The following XPO1 variants were observed in gnomAD, a reference collection of about 807,000 sequenced individuals.
XPO1 encodes the protein exportin 1, also known as exportin-1.
Under a neutral mutation model 133.3 loss-of-function variants are expected in XPO1, and 5 were observed. The observed-to-expected ratio is 0.04, with a 90% confidence interval of 0.02 to 0.08. The LOEUF is 0.08. XPO1 is among the 10% of genes least tolerant of loss of function. The pLI is 1.00. For synonymous variants in XPO1, 419 were observed against 408.2 expected (o/e 1.03, Z -0.32); for missense variants, 506 against 1,267.5 (o/e 0.40, Z 9.12).
At chr2:61,513,361 ATCTTTTT>A (rs1478730875) in intron 4 of XPO1, among the ~76,000 whole-genome samples, 1 of 107,970 alleles carries the variant, frequency 9.3e-6, no homozygotes, top group Non-Finnish European at 1.8e-5. Flanking sequence ...CGTACAGAAT[ATCTTTTT>A]TTTTTTTTTT....
intron 3 of XPO1, 85 bp from the exon 4 acceptor site, chr2:61,522,768 A>G (rs1698754542): frequency 1.1e-6 from 1 of 944,812 alleles, no homozygotes; most frequent in Non-Finnish European, 1.7e-6. Context: ...AGACATTCAC[A>G]CATTTACATC....
intron 21 of XPO1, 50 bp from the exon 22 acceptor site, chr2:61,483,141 C>T (rs1696484115): frequency 6.4e-7 from 1 of 1,572,606 alleles, no homozygotes; most frequent in African/African-American, 1.4e-5. Flanking sequence ...TGACAGCACT[C>T]ATGATAGTAT....
chr2:61,514,590 C>G (rs1698266194), intron 4 of XPO1, among the ~76,000 whole-genome samples: 1 of 116,898 alleles, frequency 8.6e-6, no homozygotes, highest in Admixed American at 8.6e-5. Flanking sequence ...AAGACTCTGT[C>G]TTTAAAAAAA....
intron 2 of XPO1, among the ~76,000 whole-genome samples, chr2:61,530,515 T>C (rs993437362): frequency 1.1e-4 from 17 of 152,204 alleles, no homozygotes; most frequent in African/African-American, 3.9e-4. Flanking sequence ...GAACACAATA[T>C]TGGAGAAAAC....
intron 19 of XPO1, among the ~76,000 whole-genome samples, chr2:61,486,440 A>G (rs1355241078): frequency 6.9e-6 from 1 of 145,590 alleles, no homozygotes; most frequent in Non-Finnish European, 1.5e-5. Context: ...GTAAGATGGC[A>G]GCAAGCGAGC....
Position 61,537,858 on chromosome 2 carries a change from A to G in XPO1, c.-303T>C. On this transcript the variant is annotated 5_prime_UTR_variant, in exon 1 of 25. Transcript: ENST00000401558. ...CCGGCTGGGGAGTGAGGGAAGGGGG[A>G]GGGAACGGGGTCAAGTCCCAAAGAT... The G allele has an allele frequency of 6.6e-6, 1 of 150,676 alleles. No individual in the cohort carries two copies. The highest frequency in any genetic ancestry group is 2.5e-5 in the African/African-American group (1 of 39,420). 9.3% of individuals were successfully genotyped at this position (150,676 alleles called of 1,614,324 possible). A position where few individuals can be genotyped will look rare whatever the true frequency, so the allele number is the denominator to read the frequency against.
intron 12 of XPO1, 146 bp downstream of exon 12, chr2:61,493,748 T>G: frequency 1.2e-6 from 1 of 832,632 alleles, no homozygotes; most frequent in Non-Finnish European, 1.9e-6. Context: ...TCAACTCCTT[T>G]CATGTTCTAG....
intron 24 of XPO1, among the ~76,000 whole-genome samples, chr2:61,480,779 C>A (rs1696308897): frequency 6.6e-6 from 1 of 152,100 alleles, no homozygotes; most frequent in Non-Finnish European, 1.5e-5. Flanking sequence ...AAGAAAAACC[C>A]TTCCCAAAAG....
rs561208323 is a variant in XPO1 at position 61,535,577 on chromosome 2, T to C, written c.-6-1674A>G. Reference sequence around the variant, plus strand: ...ACAATAATGGCAGCAAATTCTATTTTAATGCAATTGTCTTATTTAAATATA... The same window carrying C: ...ACAATAATGGCAGCAAATTCTATTTCAATGCAATTGTCTTATTTAAATATA... On this transcript the variant is annotated intron_variant, in intron 1 of 24. Transcript: ENST00000401558. 4.6e-5 allele frequency among the ~76,000 whole-genome samples: 7 copies of C among 152,350 alleles called. No individual in the cohort carries two copies. In the South Asian group the frequency reaches 1.4e-3, roughly 32 times the overall value.
At position 61,499,599 on chromosome 2, in the gene XPO1, G is replaced by A. The variant is rs75674813; in HGVS notation, c.590+114C>T. On this transcript the variant is annotated intron_variant, in intron 7 of 24. Coordinates refer to ENST00000401558, the MANE Select transcript of XPO1 (RefSeq NM_003400.4). ...AATCTGCAGTTGAAAACCACTACAA[G>A]CAATTTAACATATTACTGATCATAG... is the stretch of plus-strand genomic sequence containing the variant. The A allele has an allele frequency of 3.5e-3, 3,640 of 1,034,208 alleles. 20 individuals carry two copies. The highest frequency in any genetic ancestry group is 6.6e-3 in the Admixed American group (193 of 29,426). 64.1% of individuals were successfully genotyped at this position (1,034,208 alleles called of 1,614,324 possible).
chr2:61,531,637 T>C, intron 2 of XPO1, among the ~76,000 whole-genome samples: 1 of 152,192 alleles, frequency 6.6e-6, no homozygotes. Flanking sequence ...TTAAATGCCC[T>C]TTTTCCCAAT....
In XPO1 at chr2:61,488,155, T is replaced by C. The variant is rs756224062; in HGVS notation, c.2313+10A>G. On this transcript the variant is annotated intron_variant, in intron 19 of 24. Transcript: ENST00000401558. Reference sequence around the variant, plus strand: ...CACTAGAAATCAAAAGCAAAGCATCTCTCACTTACCATCTGTGGATCATTG... The same window carrying C: ...CACTAGAAATCAAAAGCAAAGCATCCCTCACTTACCATCTGTGGATCATTG... The C allele has an allele frequency of 1.2e-6, 2 of 1,611,054 alleles. No individual in the cohort carries two copies. Among genetic ancestry groups the C allele is most frequent in the South Asian group, 1.1e-5 (1 of 90,994 alleles).
At chr2:61,502,400 A>G (rs1697571837) in intron 4 of XPO1, 90 bp from the exon 5 acceptor site, 9 of 1,244,070 alleles carry the variant, frequency 7.2e-6, no homozygotes, top group Non-Finnish European at 1.0e-5. Context: ...GTGGGAATGG[A>G]AAGACTAAGT....
At chr2:61,519,585 GCTA>G (rs375085963) in intron 4 of XPO1, among the ~76,000 whole-genome samples, 2,464 of 148,084 alleles carry the variant, frequency 0.017, 83 homozygotes, top group Admixed American at 0.077. Context: ...TGTAGTCCCA[GCTA>G]CTCAGGAGGC....
intron 2 of XPO1, among the ~76,000 whole-genome samples, chr2:61,532,784 G>A (rs1185043531): frequency 6.6e-6 from 1 of 151,390 alleles, no homozygotes; most frequent in Non-Finnish European, 1.5e-5. Flanking sequence ...GCAGTGAGCC[G>A]AGACTGTGCC....
At chr2:61,526,229 C>T (rs924607926) in intron 3 of XPO1, 191 bp downstream of exon 3, 4 of 1,389,728 alleles carry the variant, frequency 2.9e-6, no homozygotes, top group Non-Finnish European at 3.7e-6. Context: ...AGTCCCATTA[C>T]AAAACTTCAT....
intron 12 of XPO1, chr2:61,493,465 C>T (rs1166895862): frequency 5.1e-6 from 1 of 195,134 alleles, no homozygotes; most frequent in Non-Finnish European, 1.0e-5. Flanking sequence ...TATGACCACG[C>T]CACTGCACTC....
chr2:61,521,894 C>G (rs995106528), intron 4 of XPO1, among the ~76,000 whole-genome samples: 1 of 151,726 alleles, frequency 6.6e-6, no homozygotes, highest in Admixed American at 6.6e-5. Context: ...CCCCTGTCCC[C>G]GCCGCCACCT....
chr2:61,531,936 C>T (rs1391129194), intron 2 of XPO1, among the ~76,000 whole-genome samples: 1 of 152,142 alleles, frequency 6.6e-6, no homozygotes, highest in African/African-American at 2.4e-5. Context: ...ATTTTTTCTA[C>T]TTTTAGCGTT....
Sources: gnomAD v4.1 joint callset for allele counts (sites outside exome capture counted in the v4.1 genomes callset) on GRCh38, gnomAD v4.1.1 for gene constraint, MANE v1.5 for transcripts, NCBI Gene and HGNC (gene_info 2026-07-23, HGNC 2026-07-21) for gene names.